The following PRLR variants were observed in gnomAD, a reference collection of about 807,000 sequenced individuals.
The protein encoded by PRLR is prolactin receptor.
Under a neutral mutation model 40.2 loss-of-function variants are expected in PRLR, and 13 were observed. The ratio of observed to expected loss-of-function variants is 0.32; its 90% CI spans 0.21 to 0.51. The LOEUF is 0.51. Ranked by LOEUF, PRLR falls within the 20% of genes least tolerant of loss-of-function variation. The pLI is 0.97. For synonymous variants in PRLR, 269 were observed against 278.7 expected (o/e 0.97, Z 0.35); for missense variants, 656 against 747.3 (o/e 0.88, Z 1.42).
chr5:35,151,551 G>A (rs1477996759), intron 1 of PRLR, among the ~76,000 whole-genome samples: 1 of 152,072 alleles, frequency 6.6e-6, no homozygotes, highest in Non-Finnish European at 1.5e-5. Context: ...GGTGGCAAAA[G>A]TGATGCTGCA....
downstream of PRLR, among the ~76,000 whole-genome samples, chr5:35,053,799 G>A (rs1236429317): frequency 2.6e-5 from 4 of 152,122 alleles, no homozygotes; most frequent in Admixed American, 2.6e-4. Context: ...GACCCGATAG[G>A]CTCATCTGAA....
Position 35,070,351 on chromosome 5 carries a change from G to T in PRLR, c.544-86C>A, listed in dbSNP as rs1769669580. On this transcript the variant is annotated intron_variant, in intron 6 of 9. Transcript: ENST00000618457. ...TTCCCCTAAAAAATAAACTAAGTTA[G>T]GCTGAACAATCATATACAGAGAATT... The T allele has an allele frequency of 1.1e-5, 15 of 1,422,242 alleles. No homozygotes were observed. The Admixed American group carries it at 1.9e-4, about 18-fold the overall frequency. The allele number at this position is 1,422,242 out of a possible 1,614,324, so 88.1% of individuals were successfully genotyped here.
At chr5:35,102,091 G>T (rs1771919612) in intron 2 of PRLR, among the ~76,000 whole-genome samples, 1 of 152,070 alleles carries the variant, frequency 6.6e-6, no homozygotes, top group Admixed American at 6.6e-5. Flanking sequence ...GCCTCCCAAA[G>T]TGCCGTGATT....
intron 1 of PRLR, among the ~76,000 whole-genome samples, chr5:35,206,475 A>C (rs1325082292): frequency 6.6e-6 from 1 of 152,150 alleles, no homozygotes; most frequent in African/African-American, 2.4e-5. Flanking sequence ...GAAGTCATAT[A>C]ATATAAAATA....
intron 1 of PRLR, among the ~76,000 whole-genome samples, chr5:35,119,571 A>G (rs1337672447): frequency 6.6e-6 from 1 of 152,164 alleles, no homozygotes; most frequent in Non-Finnish European, 1.5e-5. Context: ...AGCCTCTGAC[A>G]CAGATGTCTG....
At chr5:35,154,781 C>T (rs571752717) in intron 1 of PRLR, among the ~76,000 whole-genome samples, 17 of 152,148 alleles carry the variant, frequency 1.1e-4, no homozygotes, top group South Asian at 2.1e-4. Flanking sequence ...AAATGTGGTA[C>T]GTATACACCA....
intron 2 of PRLR, among the ~76,000 whole-genome samples, chr5:35,095,279 T>C (rs963831437): frequency 5.9e-5 from 9 of 152,136 alleles, no homozygotes; most frequent in Non-Finnish European, 1.0e-4. Flanking sequence ...CTCTGCCCAA[T>C]GTCAACAGTC....
chr5:35,133,086 C>A (rs145687080), intron 1 of PRLR, among the ~76,000 whole-genome samples: 1 of 152,074 alleles, frequency 6.6e-6, no homozygotes, highest in East Asian at 1.9e-4. Context: ...GGACTTCAGA[C>A]CCCTGGTTCT....
intron 5 of PRLR, among the ~76,000 whole-genome samples, chr5:35,075,217 C>T (rs902701838): frequency 9.2e-5 from 14 of 152,144 alleles, no homozygotes; most frequent in East Asian, 3.9e-4. Flanking sequence ...GTCCATGGAG[C>T]GTGAGGCGAA....
At chr5:35,167,150 T>C (rs1228674290) in intron 1 of PRLR, among the ~76,000 whole-genome samples, 1 of 144,872 alleles carries the variant, frequency 6.9e-6, no homozygotes, top group Non-Finnish European at 1.6e-5. Flanking sequence ...TCTATCTATC[T>C]ATCTATCTAT....
At chr5:35,160,550 A>G (rs891560117) in intron 1 of PRLR, among the ~76,000 whole-genome samples, 6 of 152,248 alleles carry the variant, frequency 3.9e-5, no homozygotes, top group African/African-American at 1.4e-4. Flanking sequence ...AGAGAGCCCC[A>G]GTCTATGGGG....
At chr5:35,190,420 C>T (rs1278204666) in intron 1 of PRLR, among the ~76,000 whole-genome samples, 5 of 152,180 alleles carry the variant, frequency 3.3e-5, no homozygotes, top group East Asian at 1.9e-4. Flanking sequence ...GCCTGGCCAA[C>T]GTGGCAAAAC....
chr5:35,105,288 T>C (rs1164382938), intron 2 of PRLR, among the ~76,000 whole-genome samples: 1 of 152,168 alleles, frequency 6.6e-6, no homozygotes, highest in Non-Finnish European at 1.5e-5. Context: ...GCAGAAAAGC[T>C]GAAAATTCTA....
chr5:35,050,082 A>C (rs1768439542), intron 8 of PRLR, among the ~76,000 whole-genome samples: 1 of 151,986 alleles, frequency 6.6e-6, no homozygotes. Flanking sequence ...TTGTATTTTT[A>C]ATAGAGACGG....
rs1198817120 is a variant in PRLR, at chr5:35,089,625, G to C, written c.-5C>G. 1 of 1,613,952 alleles carries C rather than the reference G, an allele frequency of 6.2e-7. No individual in the cohort carries two copies. The highest frequency in any genetic ancestry group is 1.7e-5 in the Admixed American group (1 of 60,020). ...AGATGCCACATTTTCCTTCATGTTG[G>C]CTGCCTTCTCTTGCTGCAGGAAATG... On this transcript the variant is annotated 5_prime_UTR_variant, in exon 3 of 10. Transcript: ENST00000618457.
At chr5:35,114,800 G>A (rs926873344) in intron 2 of PRLR, among the ~76,000 whole-genome samples, 22 of 152,174 alleles carry the variant, frequency 1.4e-4, no homozygotes, top group African/African-American at 3.6e-4. Context: ...CTACAAAGCC[G>A]ACCCCAGTGG....
Position 35,064,950 on chromosome 5 carries a change from A to C in PRLR, c.*139T>G. 1 of 883,752 alleles carries C rather than the reference A, an allele frequency of 1.1e-6. No individual in the cohort carries two copies. Among genetic ancestry groups the C allele is most frequent in the East Asian group, 2.6e-5 (1 of 37,860 alleles). 54.7% of individuals were successfully genotyped at this position (883,752 alleles called of 1,614,324 possible). Reference sequence around the variant, plus strand: ...GAATCAGCTGCTGGAGAAAGAGGCAAGTGGTTAAAAATGGAGCATGAAAGG... The same window carrying C: ...GAATCAGCTGCTGGAGAAAGAGGCACGTGGTTAAAAATGGAGCATGAAAGG... On this transcript the variant is annotated 3_prime_UTR_variant, in exon 10 of 10. Transcript: ENST00000618457.
chr5:35,154,868 C>G (rs1360816437), intron 1 of PRLR, among the ~76,000 whole-genome samples: 2 of 152,034 alleles, frequency 1.3e-5, no homozygotes, highest in Non-Finnish European at 2.9e-5. Flanking sequence ...GCCATTATCC[C>G]CAGCGAATTA....
chr5:35,072,522 C>A, intron 6 of PRLR, 53 bp downstream of exon 6: 2 of 1,562,196 alleles, frequency 1.3e-6, no homozygotes, highest in Non-Finnish European at 8.7e-7. Flanking sequence ...GTTGTGAGGG[C>A]TTTATCCTTG....
Sources: gnomAD v4.1 joint callset for allele counts (sites outside exome capture counted in the v4.1 genomes callset) on GRCh38, gnomAD v4.1.1 for gene constraint, MANE v1.5 for transcripts, NCBI Gene and HGNC (gene_info 2026-07-23, HGNC 2026-07-21) for gene names.